Variants in RPN1 observed in about 807,000 individuals in gnomAD.
RPN1 encodes the protein ribophorin I, also known as dolichyl-diphosphooligosaccharide--protein glycosyltransferase subunit 1.
In RPN1, 12 loss-of-function variants were observed where a neutral mutation model predicts 55.5. That is an observed-to-expected ratio of 0.22 (90% CI 0.14 to 0.35). The LOEUF (loss-of-function observed/expected upper bound fraction) is 0.35. Among genes scored for constraint, RPN1 ranks in the 10% least tolerant of loss-of-function variants. RPN1 has a pLI of 1.00. For synonymous variants in RPN1, 317 were observed against 305.9 expected (o/e 1.04, Z -0.38); for missense variants, 679 against 761.3 (o/e 0.89, Z 1.27).
intron 3 of RPN1, among the ~76,000 whole-genome samples, chr3:128,634,440 CATA>C (rs2069662640): frequency 6.6e-6 from 1 of 151,728 alleles, no homozygotes; most frequent in African/African-American, 2.4e-5. Context: ...TGACAATAAG[CATA>C]ATAAGTACAT....
At position 128,645,415 on chromosome 3, in the gene RPN1, G is replaced by A. The variant is rs540972721; in HGVS notation, c.262-432C>T. On this transcript the variant is annotated intron_variant, in intron 1 of 9. Coordinates refer to ENST00000296255, the MANE Select transcript of RPN1 (RefSeq NM_002950.4). ...AACCCGGGAGGCAGAGGTTGCAGCC[G>A]GCTGAGATGGCGCCATCACACTCCA... 4.0e-5 allele frequency among the ~76,000 whole-genome samples: 6 copies of A among 150,194 alleles called. No homozygotes were observed. In the East Asian group the frequency reaches 5.9e-4, roughly 15 times the overall value.
rs1425806742 is a variant in RPN1 at position 128,650,793 on chromosome 3, G to A, written c.8C>T (p.Ala3Val). Reference sequence around the variant, plus strand: ...GAGCAGAAACAAGCCGGCGGCTGGCGCCTCCATGACCGGGAAGAGCAGTGC... The same window carrying A: ...GAGCAGAAACAAGCCGGCGGCTGGCACCTCCATGACCGGGAAGAGCAGTGC... ME[A>V]PAAGLFLLLL... The change falls in exon 1 of 10, where the codon GCG becomes GTG. Residue 3 changes from alanine (A) to valine (V), a missense_variant. Coordinates refer to ENST00000296255, the MANE Select transcript of RPN1 (RefSeq NM_002950.4). The A allele has an allele frequency of 2.0e-6, 3 of 1,532,626 alleles. No homozygotes were observed. The highest frequency in any genetic ancestry group is 2.6e-6 in the Non-Finnish European group (3 of 1,137,664). 94.9% of individuals were successfully genotyped at this position (1,532,626 alleles called of 1,614,324 possible).
intron 8 of RPN1, among the ~76,000 whole-genome samples, chr3:128,622,614 G>A (rs1382828116): frequency 6.6e-6 from 1 of 152,180 alleles, no homozygotes; most frequent in Non-Finnish European, 1.5e-5. Context: ...GAGCAGACCA[G>A]CCGGGCCTGG....
intron 1 of RPN1, among the ~76,000 whole-genome samples, chr3:128,646,297 C>A (rs145637749): frequency 1.3e-3 from 190 of 151,000 alleles, no homozygotes; most frequent in African/African-American, 4.3e-3. Flanking sequence ...GTTGCCCAGA[C>A]TGGTTTCGAA....
At chr3:128,636,364 G>C (rs1275830393) in intron 3 of RPN1, among the ~76,000 whole-genome samples, 4 of 152,016 alleles carry the variant, frequency 2.6e-5, no homozygotes, top group Non-Finnish European at 5.9e-5. Context: ...AGGAGGCTGA[G>C]GTAGGAGAAT....
At chr3:128,623,233 C>T (rs1347194448) in intron 8 of RPN1, among the ~76,000 whole-genome samples, 1 of 151,748 alleles carries the variant, frequency 6.6e-6, no homozygotes, top group Admixed American at 6.6e-5. Flanking sequence ...AATGAGACTC[C>T]GTCTCTACAA....
rs1389242869 is a variant in RPN1 at position 128,626,829 on chromosome 3, T to A, written c.1040A>T (p.Asp347Val). 1.9e-6 allele frequency: 3 copies of A among 1,613,898 alleles called. No individual in the cohort carries two copies. Among genetic ancestry groups the A allele is most frequent in the Non-Finnish European group, 2.5e-6 (3 of 1,179,884 alleles). Residue 347 changes from aspartate (D) to valine (V), a missense_variant, in exon 6 of 10, where the codon GAC (aspartate) becomes GTC (valine). Asp to Val is a radical substitution (Grantham distance 152). This residue lies in a region of RPN1 where 306 missense variants were observed against 360.0 expected (regional missense o/e 0.85). Coordinates refer to ENST00000296255, the MANE Select transcript of RPN1 (RefSeq NM_002950.4). ...PSYEYLYNLGDQYALKMRFVD... is the reference protein window; with the variant it reads ...PSYEYLYNLGVQYALKMRFVD... ...AAACCTCATCTTCAGTGCATACTGG[T>A]CACCTGAAGGATCAAGCAAGCATAA...
At chr3:128,622,025 C>G in intron 9 of RPN1, 139 bp downstream of exon 9, 1 of 827,860 alleles carries the variant, frequency 1.2e-6, no homozygotes, top group Non-Finnish European at 1.9e-6. Context: ...ACTGGCACCA[C>G]ATGAAAAGTT....
In RPN1 at chr3:128,626,772, T is replaced by C. The variant is rs1450779231; in HGVS notation, c.1097A>G (p.Asp366Gly). The C allele has an allele frequency of 1.9e-6, 3 of 1,614,116 alleles. No individual in the cohort carries two copies. Among genetic ancestry groups the C allele is most frequent in the Admixed American group, 1.7e-5 (1 of 60,016 alleles). Reference sequence around the variant, plus strand: ...CAGGATGATCTTCACAGTCAGAGAATCTATCACTTGTTCATCAAACACATG... The same window carrying C: ...CAGGATGATCTTCACAGTCAGAGAACCTATCACTTGTTCATCAAACACATG... ...VDHVFDEQVI[D>G]SLTVKIILPE... The change falls in exon 6 of 10, where the codon GAT becomes GGT. Residue 366 changes from aspartate (D) to glycine (G), a missense_variant. Transcript: ENST00000296255.
intron 4 of RPN1, among the ~76,000 whole-genome samples, chr3:128,631,192 G>A (rs538572011): frequency 5.3e-5 from 8 of 152,030 alleles, no homozygotes; most frequent in East Asian, 1.9e-4. Context: ...AGGCCAAGGC[G>A]GCCGGGCGCG....
intron 1 of RPN1, among the ~76,000 whole-genome samples, chr3:128,646,189 C>T (rs2069766353): frequency 1.4e-5 from 2 of 143,934 alleles, no homozygotes; most frequent in Non-Finnish European, 1.5e-5. Flanking sequence ...TGCCATTGCA[C>T]TCCAGCCTGG....
chr3:128,648,759 T>C (rs2069788624), intron 1 of RPN1, among the ~76,000 whole-genome samples: 1 of 152,118 alleles, frequency 6.6e-6, no homozygotes, highest in African/African-American at 2.4e-5. Context: ...TGATTTTAAA[T>C]AAATCTGTTA....
chr3:128,631,932 G>A lies in RPN1; in HGVS notation c.843+16C>T. ...AGTCCTCATTTCTCACAATGTCCAAGTTGAACATTCCATACCTTAAAAGAA... is the reference window on the plus strand; with the variant it reads ...AGTCCTCATTTCTCACAATGTCCAAATTGAACATTCCATACCTTAAAAGAA... On this transcript the variant is annotated intron_variant, in intron 4 of 9. Coordinates refer to ENST00000296255, the MANE Select transcript of RPN1 (RefSeq NM_002950.4). 6.2e-7 allele frequency: 1 copy of A among 1,612,926 alleles called. No homozygotes were observed. Among genetic ancestry groups the A allele is most frequent in the South Asian group, 1.1e-5 (1 of 91,058 alleles).
chr3:128,649,474 G>A (rs148602116), intron 1 of RPN1, among the ~76,000 whole-genome samples: 2 of 152,228 alleles, frequency 1.3e-5, no homozygotes, highest in East Asian at 1.9e-4. Flanking sequence ...CATGGACAAC[G>A]CATGAAAGAA....
At chr3:128,635,684 T>TACAC (rs1470999891) in intron 3 of RPN1, among the ~76,000 whole-genome samples, 3,920 of 105,546 alleles carry the variant, frequency 0.037, 108 homozygotes, top group Non-Finnish European at 0.049. Flanking sequence ...TAGATATCTA[T>TACAC]AGATATACAC....
intron 2 of RPN1, 36 bp downstream of exon 2, chr3:128,644,883 T>C (rs1363182361): frequency 8.4e-7 from 1 of 1,185,074 alleles, no homozygotes; most frequent in Admixed American, 1.7e-5. Flanking sequence ...GACATAACCT[T>C]TAACAAGAGA....
Position 128,650,533 on chromosome 3 carries a change from C to A in RPN1, c.261+7G>T. 2 of 1,534,826 alleles carry A rather than the reference C, an allele frequency of 1.3e-6. No individual in the cohort carries two copies. The highest frequency in any genetic ancestry group is 1.8e-6 in the Non-Finnish European group (2 of 1,141,892). On this transcript the variant is annotated splice_region_variant and intron_variant, in intron 1 of 9. Transcript: ENST00000296255. ...GGGAGCGGCGGCGAGGGGTCGCCCA[C>A]ACTCACCTGCACGCCCAGGTGCGCC... is the stretch of plus-strand genomic sequence containing the variant.
chr3:128,639,399 C>T (rs911323133), intron 2 of RPN1, among the ~76,000 whole-genome samples: 1 of 146,538 alleles, frequency 6.8e-6, no homozygotes, highest in African/African-American at 2.5e-5. Flanking sequence ...GCTTGCAGTG[C>T]GCCGAGATCG....
At position 128,625,856 on chromosome 3, in the gene RPN1, A is replaced by G; in HGVS notation, c.1275+18T>C. The G allele has an allele frequency of 6.2e-7, 1 of 1,600,980 alleles. No individual in the cohort carries two copies. Among genetic ancestry groups the G allele is most frequent in the East Asian group, 2.2e-5 (1 of 44,790 alleles). On this transcript the variant is annotated intron_variant, in intron 7 of 9. Coordinates refer to ENST00000296255, the MANE Select transcript of RPN1 (RefSeq NM_002950.4). ...TCTGGGGAAGACGCCATGGAAGGCA[A>G]ACAGTGGAGCCACTCACCACAATGT...
Sources: allele counts gnomAD v4.1 joint callset (sites outside exome capture counted in the v4.1 genomes callset), GRCh38; gene constraint gnomAD v4.1.1; regional missense constraint gnomAD v4.1.1; transcripts MANE v1.5; gene names NCBI Gene and HGNC (gene_info 2026-07-23, HGNC 2026-07-21).